Variants in FBXW8 observed in about 807,000 individuals in gnomAD.
The protein encoded by FBXW8 is F-box and WD repeat domain containing 8.
Under a neutral mutation model 65.3 loss-of-function variants are expected in FBXW8, and 57 were observed. That is an observed-to-expected ratio of 0.87 (90% CI 0.71 to 1.09). FBXW8 has a LOEUF of 1.09. FBXW8 is among the 50% of genes least tolerant of loss of function. FBXW8 has a pLI of 0.00. For synonymous variants in FBXW8, 308 were observed against 330.2 expected, an observed-to-expected ratio of 0.93 and a Z score of 0.73; for missense variants, 777 against 814.8, an observed-to-expected ratio of 0.95 and a Z score of 0.57.
At chr12:116,942,126 T>G (rs1882608279) in intron 2 of FBXW8, among the ~76,000 whole-genome samples, 2 of 152,076 alleles carry the variant, frequency 1.3e-5, no homozygotes, top group African/African-American at 4.8e-5. Flanking sequence ...ACTACTGGAC[T>G]GAAGCAATCC....
In FBXW8 at chr12:116,961,035, C is replaced by CT. The variant is rs1883955450; in HGVS notation, c.678-3661dup. 6.6e-6 allele frequency among the ~76,000 whole-genome samples: 1 copy of CT among 152,112 alleles called. No individual in the cohort carries two copies. The highest frequency in any genetic ancestry group is 2.4e-5 in the African/African-American group (1 of 41,428). ...CCCCAAATGGTCAGATTTATTTGGT[C>CT]TGGGAGGCTGGAATGCAGTGGCACA... On this transcript the variant is annotated intron_variant, in intron 4 of 10. Coordinates refer to ENST00000652555, the MANE Select transcript of FBXW8 (RefSeq NM_153348.3). The surrounding 1 kb of genome is among the most constrained non-coding windows in gnomAD (Gnocchi z 4.4).
intron 7 of FBXW8, among the ~76,000 whole-genome samples, chr12:116,998,380 C>CT (rs34479944): frequency 0.69 from 104,382 of 152,086 alleles, 40,155 homozygotes; most frequent in Non-Finnish European, 0.84. Context: ...TCTTGAGACT[C>CT]TAAGTTTACA....
chr12:116,927,025 G>A (rs12321592), intron 1 of FBXW8, among the ~76,000 whole-genome samples: 10,624 of 152,168 alleles, frequency 0.07, 973 homozygotes, highest in African/African-American at 0.21. Flanking sequence ...CTTGTAAGCA[G>A]TAAGTCACTG....
chr12:116,920,881 T>G (rs1437417364), intron 1 of FBXW8, among the ~76,000 whole-genome samples: 1 of 152,134 alleles, frequency 6.6e-6, no homozygotes, highest in African/African-American at 2.4e-5. Context: ...CCACTGTGGT[T>G]TCAAAAACCA....
At chr12:117,011,219 C>G (rs1312844997) in intron 8 of FBXW8, among the ~76,000 whole-genome samples, 10 of 145,602 alleles carry the variant, frequency 6.9e-5, no homozygotes, top group Admixed American at 6.1e-4. Context: ...TGCTGGCGCC[C>G]CCTCCCCTGG....
intron 1 of FBXW8, among the ~76,000 whole-genome samples, chr12:116,912,452 T>C (rs987728844): frequency 7.0e-4 from 9 of 12,886 alleles, no homozygotes; most frequent in Non-Finnish European, 1.0e-3. Flanking sequence ...AGAATCATTC[T>C]TTTTTTTTTT....
intron 5 of FBXW8, among the ~76,000 whole-genome samples, chr12:116,980,899 T>C (rs1375715469): frequency 6.6e-6 from 1 of 152,248 alleles, no homozygotes; most frequent in East Asian, 1.9e-4. Context: ...GTGTGTGTTT[T>C]ATGAAAACAG....
chr12:117,009,879 A>G (rs1953762718), intron 7 of FBXW8, among the ~76,000 whole-genome samples: 1 of 152,120 alleles, frequency 6.6e-6, no homozygotes, highest in Non-Finnish European at 1.5e-5. Flanking sequence ...TCCTTGTACT[A>G]TTCTTTCTTT....
chr12:116,969,388 C>T (rs1884516631), intron 5 of FBXW8, among the ~76,000 whole-genome samples: 1 of 152,174 alleles, frequency 6.6e-6, no homozygotes, highest in Non-Finnish European at 1.5e-5. Flanking sequence ...CGTCAGGTGG[C>T]GTTACCTTTG....
At chr12:116,965,311 A>G (rs1884246555) in intron 5 of FBXW8, among the ~76,000 whole-genome samples, 1 of 152,246 alleles carries the variant, frequency 6.6e-6, no homozygotes, top group Non-Finnish European at 1.5e-5. Flanking sequence ...GTCACTTAAT[A>G]TACCATACCA....
chr12:117,031,067 T>C lies in FBXW8; in HGVS notation c.*2895T>C, dbSNP rs1339335806. 6.6e-6 allele frequency: 1 copy of C among 152,212 alleles called. No individual in the cohort carries two copies. The highest frequency in any genetic ancestry group is 2.4e-5 in the African/African-American group (1 of 41,458). The allele number at this position is 152,212 out of a possible 1,614,324, so 9.4% of individuals were successfully genotyped here. A position where few individuals can be genotyped will look rare whatever the true frequency, so the allele number is the denominator to read the frequency against. On this transcript the variant is annotated 3_prime_UTR_variant, in exon 11 of 11. Transcript: ENST00000652555. ...GATGGTGAAACACCTGAAGATCTCATATCGCCTCTCAAAACACTGTCGGAC... is the reference window on the plus strand; with the variant it reads ...GATGGTGAAACACCTGAAGATCTCACATCGCCTCTCAAAACACTGTCGGAC...
chr12:116,982,413 A>C (rs542155950), intron 5 of FBXW8, among the ~76,000 whole-genome samples: 1 of 152,296 alleles, frequency 6.6e-6, no homozygotes, highest in South Asian at 2.1e-4. Context: ...TGTGATAAAG[A>C]ATCAACTCAT....
intron 7 of FBXW8, among the ~76,000 whole-genome samples, chr12:116,995,579 A>G (rs1172773197): frequency 6.6e-6 from 1 of 151,894 alleles, no homozygotes; most frequent in South Asian, 2.1e-4. Context: ...CTCAGTTCCT[A>G]CGTCTTGCCT....
Position 117,024,314 on chromosome 12 carries a change from A to G in FBXW8, c.1535A>G (p.Tyr512Cys), listed in dbSNP as rs1954173657. The change falls in exon 9 of 11, where the codon TAT (tyrosine) becomes TGT (cysteine). Residue 512 changes from tyrosine (Y) to cysteine (C), a missense_variant. Transcript: ENST00000652555. ...YRMNQKLWEV[Y>C]SGHPVQHISF... ...ATGAACCAGAAGCTGTGGGAGGTGTATTCCGGGTAAGGTGCATTCTAGACA... is the reference window on the plus strand; with the variant it reads ...ATGAACCAGAAGCTGTGGGAGGTGTGTTCCGGGTAAGGTGCATTCTAGACA... 1.2e-6 allele frequency: 2 copies of G among 1,614,132 alleles called. No homozygotes were observed. The highest frequency in any genetic ancestry group is 4.5e-5 in the East Asian group (2 of 44,884).
chr12:116,999,434 C>T (rs1032311941), intron 7 of FBXW8, among the ~76,000 whole-genome samples: 2 of 152,220 alleles, frequency 1.3e-5, no homozygotes, highest in Non-Finnish European at 2.9e-5. Flanking sequence ...CTTCTTTGCA[C>T]TCTGCTGTTT....
chr12:117,017,677 T>TA (rs1341698745), intron 8 of FBXW8, among the ~76,000 whole-genome samples: 5 of 152,156 alleles, frequency 3.3e-5, no homozygotes, highest in Admixed American at 1.3e-4. Context: ...AATTTGGTCA[T>TA]AAAAAAAGCC....
Position 116,971,082 on chromosome 12 carries a change from A to G in FBXW8, c.835+6228A>G, listed in dbSNP as rs1461825093. Among the ~76,000 whole-genome samples the G allele has an allele frequency of 3.9e-5, 6 of 152,192 alleles. 1 individual carries two copies. Among genetic ancestry groups the G allele is most frequent in the Admixed American group, 1.3e-4 (2 of 15,274 alleles). On this transcript the variant is annotated intron_variant, in intron 5 of 10. Transcript: ENST00000652555. The stretch of plus-strand genomic sequence containing the variant: ...TCACATTTTAAACATTCAGAAGGGA[A>G]TTAAAACATCTAGGCTGGGTGTGGT...
At chr12:116,948,435 C>G (rs1883067986) in intron 3 of FBXW8, among the ~76,000 whole-genome samples, 1 of 152,134 alleles carries the variant, frequency 6.6e-6, no homozygotes, top group South Asian at 2.1e-4. Flanking sequence ...TAAGTTAAGA[C>G]CATCATGCAA....
chr12:116,952,602 A>C (rs1382993140), intron 4 of FBXW8, among the ~76,000 whole-genome samples: 1 of 152,190 alleles, frequency 6.6e-6, no homozygotes, highest in Non-Finnish European at 1.5e-5. Context: ...AGGGCAACTC[A>C]TCGTGTGGCC....
Sources: allele counts gnomAD v4.1 joint callset (sites outside exome capture counted in the v4.1 genomes callset), GRCh38; gene constraint gnomAD v4.1.1; non-coding constraint Gnocchi (gnomAD v3.1); transcripts MANE v1.5; gene names NCBI Gene and HGNC (gene_info 2026-07-23, HGNC 2026-07-21).